The following PARD3 variants were observed in gnomAD, a reference collection of about 807,000 sequenced individuals.
PARD3 encodes par-3 family cell polarity regulator.
Under a neutral mutation model 155.4 loss-of-function variants are expected in PARD3, and 75 were observed. That is an observed-to-expected ratio of 0.48 (90% CI 0.40 to 0.58). The LOEUF is 0.58. PARD3 is among the 20% of genes least tolerant of loss of function. PARD3 has a pLI of 0.00. For missense variants in PARD3, 1,642 were observed against 1,721.7 expected, an observed-to-expected ratio of 0.95 and a Z score of 0.82; for synonymous variants, 576 against 610.5, an observed-to-expected ratio of 0.94 and a Z score of 0.83.
Position 34,384,246 on chromosome 10 carries a change from C to A in PARD3, c.899G>T (p.Gly300Val), listed in dbSNP as rs1372953740. Residue 300 changes from glycine (G) to valine (V), a missense_variant, in exon 8 of 25, where the codon GGG (glycine) becomes GTG (valine). By Grantham distance (109) the Gly-to-Val change is moderately radical. Coordinates refer to ENST00000374788, the MANE Select transcript of PARD3 (RefSeq NM_001184785.2). ...PFSARGGRTL[G>V]LLVKRLEKGG... The stretch of plus-strand genomic sequence containing the variant: ...TTTCTCCAATCGTTTTACTAATAAC[C>A]CCAGGGTTCTGGAACATTAAGAATG... 1 of 1,613,408 alleles carries A rather than the reference C, an allele frequency of 6.2e-7. No homozygotes were observed. Among genetic ancestry groups the A allele is most frequent in the Admixed American group, 1.7e-5 (1 of 59,998 alleles).
intron 5 of PARD3, among the ~76,000 whole-genome samples, chr10:34,403,596 A>G (rs1844130126): frequency 6.6e-6 from 1 of 152,218 alleles, no homozygotes; most frequent in African/African-American, 2.4e-5. Flanking sequence ...TGTGAGTCGT[A>G]GCTGTGCTCT....
At chr10:34,462,629 G>A (rs1335146478) in intron 4 of PARD3, among the ~76,000 whole-genome samples, 1 of 151,950 alleles carries the variant, frequency 6.6e-6, no homozygotes, top group East Asian at 2.0e-4. Context: ...AGGATCACTT[G>A]AGCCCAGGAG....
intron 2 of PARD3, among the ~76,000 whole-genome samples, chr10:34,543,384 G>A (rs548420747): frequency 6.6e-6 from 1 of 151,976 alleles, no homozygotes; most frequent in South Asian, 2.1e-4. Context: ...GAAGAGGACT[G>A]AAAACTGAAA....
chr10:34,407,812 C>CCT (rs1040702053), intron 5 of PARD3, among the ~76,000 whole-genome samples: 3 of 148,566 alleles, frequency 2.0e-5, no homozygotes, highest in African/African-American at 7.5e-5. Context: ...CCAGCCTGGG[C>CCT]AACAGAGTGA....
At chr10:34,544,478 A>G (rs2083887428) in intron 2 of PARD3, among the ~76,000 whole-genome samples, 1 of 151,880 alleles carries the variant, frequency 6.6e-6, no homozygotes, top group Non-Finnish European at 1.5e-5. Context: ...GGGTTTAAAA[A>G]GAAAGGGTTA....
chr10:34,348,560 C>T (rs1169797092), intron 14 of PARD3, among the ~76,000 whole-genome samples: 1 of 152,130 alleles, frequency 6.6e-6, no homozygotes, highest in African/African-American at 2.4e-5. Flanking sequence ...ATACATCTAA[C>T]AATTAGCACA....
chr10:34,772,639 A>G (rs1327085956), intron 1 of PARD3, among the ~76,000 whole-genome samples: 1 of 151,670 alleles, frequency 6.6e-6, no homozygotes, highest in African/African-American at 2.4e-5. Context: ...TAAAAATACA[A>G]AAAAATTAGC....
At chr10:34,617,246 G>C (rs796747508) in intron 2 of PARD3, among the ~76,000 whole-genome samples, 5 of 151,952 alleles carry the variant, frequency 3.3e-5, no homozygotes, top group African/African-American at 1.2e-4. Context: ...GACAGAGCAA[G>C]ACTCTGTCTC....
chr10:34,806,781 C>T (rs992056739), intron 1 of PARD3, among the ~76,000 whole-genome samples: 1 of 152,158 alleles, frequency 6.6e-6, no homozygotes, highest in Non-Finnish European at 1.5e-5. Flanking sequence ...CCTGTATAAC[C>T]ATCTGAAAAG....
At chr10:34,673,674 C>T (rs1395172955) in intron 2 of PARD3, among the ~76,000 whole-genome samples, 1 of 152,174 alleles carries the variant, frequency 6.6e-6, no homozygotes, top group Admixed American at 6.5e-5. Flanking sequence ...CAACACAATA[C>T]AAGTATCCAC....
intron 2 of PARD3, among the ~76,000 whole-genome samples, chr10:34,631,462 T>C (rs1014642614): frequency 1.3e-5 from 2 of 152,230 alleles, no homozygotes; most frequent in East Asian, 1.9e-4. Flanking sequence ...TTCTCATTTC[T>C]ATAAGTGCTG....
At chr10:34,346,596 A>C in intron 15 of PARD3, 3 of 1,010,166 alleles carry the variant, frequency 3.0e-6, no homozygotes, top group Non-Finnish European at 1.3e-6. Flanking sequence ...AAAGCCAAGA[A>C]AGTACAGAAA....
intron 2 of PARD3, among the ~76,000 whole-genome samples, chr10:34,680,747 C>T (rs1020808464): frequency 1.4e-5 from 2 of 147,536 alleles, no homozygotes; most frequent in Admixed American, 1.4e-4. Flanking sequence ...AAAAACCAAA[C>T]ACCACATATT....
At chr10:34,278,022 T>C (rs986105322) in intron 21 of PARD3, among the ~76,000 whole-genome samples, 1 of 152,146 alleles carries the variant, frequency 6.6e-6, no homozygotes, top group Non-Finnish European at 1.5e-5. Context: ...TCTGTAATCA[T>C]CTATTTTAAC....
At chr10:34,814,798 C>G (rs532073533) in intron 1 of PARD3, 78 bp downstream of exon 1, 12 of 1,245,712 alleles carry the variant, frequency 9.6e-6, no homozygotes, top group African/African-American at 4.7e-5. Context: ...CTCTCCTCCC[C>G]CTTCCAGGAA....
chr10:34,318,934 TTTTTGTATTTTTAGTAG>T (rs1345300730), intron 19 of PARD3, among the ~76,000 whole-genome samples: 17 of 147,546 alleles, frequency 1.2e-4, no homozygotes, highest in African/African-American at 3.3e-4. Context: ...CCCAGCTAAT[TTTTTGTATTTTTAGTAG>T]TTTTGTATTT....
chr10:34,133,545 C>CA (rs1947729031), intron 22 of PARD3, among the ~76,000 whole-genome samples: 1 of 152,176 alleles, frequency 6.6e-6, no homozygotes, highest in Non-Finnish European at 1.5e-5. Flanking sequence ...TGGAAAGCTG[C>CA]AAAGCTATTC....
chr10:34,185,952 G>C, intron 22 of PARD3, among the ~76,000 whole-genome samples: 1 of 151,654 alleles, frequency 6.6e-6, no homozygotes. Context: ...ACAACCCCAG[G>C]GGTTACGTAT....
At chr10:34,254,250 C>T (rs11009699) in intron 22 of PARD3, among the ~76,000 whole-genome samples, 2,831 of 151,990 alleles carry the variant, frequency 0.019, 98 homozygotes, top group African/African-American at 0.065. Context: ...CATGGTGGCA[C>T]GTGCTGTAGT....
Sources: allele counts gnomAD v4.1 joint callset (sites outside exome capture counted in the v4.1 genomes callset), GRCh38; gene constraint gnomAD v4.1.1; transcripts MANE v1.5; gene names NCBI Gene and HGNC (gene_info 2026-07-23, HGNC 2026-07-21).